Variants in SCHIP1 observed in about 807,000 individuals in gnomAD.
SCHIP1 encodes schwannomin interacting protein 1, also known as schwannomin-interacting protein 1.
A neutral mutation model predicts 29.7 loss-of-function variants in SCHIP1; 8 were observed. The observed-to-expected ratio is 0.27, with a 90% CI of 0.16 to 0.49. SCHIP1 has a LOEUF of 0.49. Ranked by LOEUF, SCHIP1 falls within the 20% of genes least tolerant of loss-of-function variation. The pLI is 0.99. For synonymous variants in SCHIP1, 76 were observed against 94.9 expected, an observed-to-expected ratio of 0.80 and a Z score of 1.16; for missense variants, 193 against 294.6, an observed-to-expected ratio of 0.66 and a Z score of 2.52.
the SCHIP1 span, among the ~76,000 whole-genome samples, chr3:159,827,577 G>A: frequency 0.25 from 38,312 of 151,936 alleles, 5,194 homozygotes; most frequent in East Asian, 0.54. Context: ...AGGCCGAGGC[G>A]GGTGGATCAT....
At chr3:159,471,436 T>C in the SCHIP1 span, among the ~76,000 whole-genome samples, 1 of 152,008 alleles carries the variant, frequency 6.6e-6, no homozygotes, top group Non-Finnish European at 1.5e-5. Flanking sequence ...GATTTATAAC[T>C]CACACCATAA....
At chr3:159,605,868 G>A in the SCHIP1 span, among the ~76,000 whole-genome samples, 7 of 152,178 alleles carry the variant, frequency 4.6e-5, no homozygotes, top group South Asian at 1.5e-3. Flanking sequence ...TAAGGTATTG[G>A]AGACTCACTC....
chr3:159,280,545 C>T, the SCHIP1 span, among the ~76,000 whole-genome samples: 1 of 152,214 alleles, frequency 6.6e-6, no homozygotes. Flanking sequence ...TCCCGTTAGT[C>T]TCAAAGGGAC....
the SCHIP1 span, among the ~76,000 whole-genome samples, chr3:159,520,653 TTGTCTC>T: frequency 6.8e-6 from 1 of 146,562 alleles, no homozygotes; most frequent in Non-Finnish European, 1.6e-5. Flanking sequence ...ATTGCTTTCT[TTGTCTC>T]TGTTTACCTG....
chr3:159,481,447 T>C, the SCHIP1 span, among the ~76,000 whole-genome samples: 2 of 152,198 alleles, frequency 1.3e-5, no homozygotes, highest in East Asian at 3.8e-4. Context: ...AGATGTCCAG[T>C]TGAATTGAAA....
chr3:159,617,085 C>T, the SCHIP1 span, among the ~76,000 whole-genome samples: 1 of 152,086 alleles, frequency 6.6e-6, no homozygotes, highest in African/African-American at 2.4e-5. Context: ...GGTTCTTGTA[C>T]CAGCAATTAA....
chr3:159,728,042 T>G, the SCHIP1 span, among the ~76,000 whole-genome samples: 1 of 150,996 alleles, frequency 6.6e-6, no homozygotes, highest in South Asian at 2.1e-4. Context: ...AATTTAAGAG[T>G]AACTTTAATA....
chr3:159,285,242 ATGTTAACT>A, the SCHIP1 span, among the ~76,000 whole-genome samples: 1 of 152,128 alleles, frequency 6.6e-6, no homozygotes, highest in Non-Finnish European at 1.5e-5. Context: ...AAGAGTTCTT[ATGTTAACT>A]AATTAATCAA....
the SCHIP1 span, among the ~76,000 whole-genome samples, chr3:159,537,122 A>C: frequency 2.0e-5 from 3 of 152,184 alleles, no homozygotes; most frequent in African/African-American, 7.2e-5. Context: ...GAAATGCAGG[A>C]TATTAGGCAG....
the SCHIP1 span, among the ~76,000 whole-genome samples, chr3:159,602,553 A>G: frequency 2.0e-5 from 3 of 152,218 alleles, no homozygotes; most frequent in African/African-American, 7.2e-5. Flanking sequence ...TACTAAAAAT[A>G]CAAAAAATAG....
the SCHIP1 span, among the ~76,000 whole-genome samples, chr3:159,564,702 A>T: frequency 6.6e-6 from 1 of 152,124 alleles, no homozygotes; most frequent in African/African-American, 2.4e-5. Flanking sequence ...AACACTGTAG[A>T]TTATTTTTGC....
intron 1 of SCHIP1, among the ~76,000 whole-genome samples, chr3:159,842,892 ACT>A (rs529196337): frequency 1.3e-5 from 2 of 149,264 alleles, no homozygotes; most frequent in Admixed American, 6.7e-5. Context: ...CCCATCCATT[ACT>A]CTCTCACTTT....
chr3:159,766,946 T>G, the SCHIP1 span, among the ~76,000 whole-genome samples: 1 of 152,220 alleles, frequency 6.6e-6, no homozygotes, highest in Non-Finnish European at 1.5e-5. Flanking sequence ...CAATGGTGTA[T>G]CCTCACCTAG....
the SCHIP1 span, among the ~76,000 whole-genome samples, chr3:159,392,499 C>T: frequency 4.7e-4 from 70 of 150,022 alleles, no homozygotes; most frequent in African/African-American, 5.0e-5. Context: ...GTGTGTTCCC[C>T]TTCCTGCGTC....
At chr3:159,623,495 G>T in the SCHIP1 span, among the ~76,000 whole-genome samples, 2 of 152,054 alleles carry the variant, frequency 1.3e-5, no homozygotes, top group South Asian at 4.1e-4. Context: ...GCATGGTGGC[G>T]CATGCCTGTA....
At chr3:159,715,909 G>GATACTCC in the SCHIP1 span, among the ~76,000 whole-genome samples, 2 of 152,126 alleles carry the variant, frequency 1.3e-5, no homozygotes, top group Non-Finnish European at 2.9e-5. Flanking sequence ...ATGCCACAAA[G>GATACTCC]ATACTCCTCA....
chr3:159,889,759 T>C (rs1717306979), intron 5 of SCHIP1, among the ~76,000 whole-genome samples: 1 of 152,216 alleles, frequency 6.6e-6, no homozygotes, highest in South Asian at 2.1e-4. Flanking sequence ...TAAGGATTGA[T>C]TTATTTTAGG....
At chr3:159,467,660 GA>G in the SCHIP1 span, among the ~76,000 whole-genome samples, 1 of 151,854 alleles carries the variant, frequency 6.6e-6, no homozygotes, top group Non-Finnish European at 1.5e-5. Flanking sequence ...CTTAACAATA[GA>G]AAAAAAGAGA....
At chr3:159,829,162 T>A in the SCHIP1 span, among the ~76,000 whole-genome samples, 1 of 152,134 alleles carries the variant, frequency 6.6e-6, no homozygotes, top group Non-Finnish European at 1.5e-5. Context: ...TAAAATACTA[T>A]GGGAAAAATA....
Sources: allele counts gnomAD v4.1 joint callset (sites outside exome capture counted in the v4.1 genomes callset), GRCh38; gene constraint gnomAD v4.1.1; transcripts MANE v1.5; gene names NCBI Gene and HGNC (gene_info 2026-07-23, HGNC 2026-07-21).